ARHGAP42: variants seen among roughly 807,000 people sequenced by gnomAD.
ARHGAP42 encodes the protein Rho GTPase activating protein 42.
In ARHGAP42, 63 loss-of-function variants were observed where a neutral mutation model predicts 125.0. That is an observed-to-expected ratio of 0.50 (90% CI 0.41 to 0.62). The LOEUF is 0.62. Among genes scored for constraint, ARHGAP42 ranks in the 20% least tolerant of loss-of-function variants. The probability of loss-of-function intolerance (pLI) is 0.00; values close to 1 mark genes in which losing one functional copy is unlikely to be tolerated. For missense variants in ARHGAP42, 766 were observed against 1,024.2 expected (o/e 0.75, Z 3.44); for synonymous variants, 339 against 351.0 (o/e 0.97, Z 0.38).
chr11:100,986,769 C>G (rs1858688359), intron 22 of ARHGAP42, among the ~76,000 whole-genome samples: 1 of 151,714 alleles, frequency 6.6e-6, no homozygotes, highest in African/African-American at 2.4e-5. Context: ...TTAGCAGCCT[C>G]AGATTTTGCC....
At chr11:100,702,640 G>C (rs1309593123) in intron 1 of ARHGAP42, among the ~76,000 whole-genome samples, 3 of 147,842 alleles carry the variant, frequency 2.0e-5, no homozygotes, top group African/African-American at 7.4e-5. Flanking sequence ...AATTTTAATA[G>C]AAACATCCAG....
intron 4 of ARHGAP42, among the ~76,000 whole-genome samples, chr11:100,865,172 C>T (rs1490700841): frequency 1.3e-5 from 2 of 152,098 alleles, no homozygotes; most frequent in East Asian, 3.9e-4. Context: ...TCCCTTTGTT[C>T]TGTCCATAGT....
At position 100,707,015 on chromosome 11, in the gene ARHGAP42, T is replaced by C. The variant is rs184596170; in HGVS notation, c.154+19183T>C. Reference sequence around the variant, plus strand: ...ATTGAACCATATAATATGTAGCTTCTTGTGAAGTGCTGTGCTTACTTAGCA... The same window carrying C: ...ATTGAACCATATAATATGTAGCTTCCTGTGAAGTGCTGTGCTTACTTAGCA... On this transcript the variant is annotated intron_variant, in intron 1 of 23. Transcript: ENST00000298815. Among the ~76,000 whole-genome samples, 50 of 152,366 alleles carry C rather than the reference T, an allele frequency of 3.3e-4. No homozygotes were observed. In the East Asian group the frequency reaches 9.6e-3, roughly 29 times the overall value.
intron 6 of ARHGAP42, among the ~76,000 whole-genome samples, chr11:100,929,959 C>A (rs1477590638): frequency 6.6e-6 from 1 of 152,050 alleles, no homozygotes; most frequent in African/African-American, 2.4e-5. Context: ...GATTATTTAT[C>A]TGTTAAGTAT....
chr11:100,873,822 A>G (rs1187080041), intron 4 of ARHGAP42, among the ~76,000 whole-genome samples: 2 of 152,190 alleles, frequency 1.3e-5, no homozygotes, highest in Admixed American at 6.5e-5. Flanking sequence ...CTACCAGAGC[A>G]GGGATTGAAC....
intron 3 of ARHGAP42, among the ~76,000 whole-genome samples, chr11:100,858,713 G>A (rs577373715): frequency 1.6e-4 from 25 of 152,002 alleles, no homozygotes; most frequent in African/African-American, 6.0e-4. Context: ...CTTTATCCTG[G>A]CATTTGCTAT....
intron 4 of ARHGAP42, among the ~76,000 whole-genome samples, chr11:100,882,487 C>T (rs1328788030): frequency 2.0e-5 from 3 of 150,488 alleles, no homozygotes; most frequent in African/African-American, 7.3e-5. Context: ...TTGTTGGATT[C>T]GGTTAGCCAG....
intron 2 of ARHGAP42, among the ~76,000 whole-genome samples, chr11:100,785,109 G>A (rs924948711): frequency 7.9e-5 from 12 of 152,162 alleles, no homozygotes; most frequent in Non-Finnish European, 1.6e-4. Flanking sequence ...TGAAGAGGGA[G>A]GAGTGATGAT....
chr11:100,919,513 A>T (rs995607927), intron 5 of ARHGAP42, among the ~76,000 whole-genome samples: 1 of 152,028 alleles, frequency 6.6e-6, no homozygotes, highest in Non-Finnish European at 1.5e-5. Context: ...AGGGCTCAAC[A>T]TTCTAGTTTG....
chr11:100,799,356 G>A (rs1324064480), intron 3 of ARHGAP42, among the ~76,000 whole-genome samples: 7 of 152,184 alleles, frequency 4.6e-5, no homozygotes, highest in Non-Finnish European at 5.9e-5. Flanking sequence ...TACTTTTATG[G>A]GAGACTGACG....
At chr11:100,697,037 T>C (rs896647012) in intron 1 of ARHGAP42, among the ~76,000 whole-genome samples, 2 of 152,146 alleles carry the variant, frequency 1.3e-5, no homozygotes, top group Non-Finnish European at 2.9e-5. Context: ...CTGCTGCCTG[T>C]ATATAACTTG....
intron 1 of ARHGAP42, among the ~76,000 whole-genome samples, chr11:100,702,671 C>CTT (rs200179100): frequency 7.5e-6 from 1 of 133,856 alleles, no homozygotes; most frequent in African/African-American, 2.8e-5. Flanking sequence ...TATTTGTGTT[C>CTT]TTTTTTTTTT....
chr11:100,913,455 G>T lies in ARHGAP42; in HGVS notation c.388G>T (p.Gly130Ter). 1.6e-6 allele frequency: 2 copies of T among 1,272,728 alleles called. No homozygotes were observed. The highest frequency in any genetic ancestry group is 3.1e-5 in the African/African-American group (2 of 64,108). The allele number at this position is 1,272,728 out of a possible 1,614,324, so 78.8% of individuals were successfully genotyped here. A position where few individuals can be genotyped will look rare whatever the true frequency, so the allele number is the denominator to read the frequency against. The change falls in exon 5 of 24, where the codon GGA (glycine) becomes TGA (stop). Residue 130 changes from glycine to a stop codon, truncating the protein, a stop_gained. Transcript: ENST00000298815. LOFTEE classifies it high-confidence loss of function. ...RKEQIGAAKDGKKKFDKESEK... is the reference protein window; with the variant it reads ...RKEQIGAAKD The stretch of plus-strand genomic sequence containing the variant: ...TGTTGTTATTGCTCTCCTTTAGGAT[G>T]GAAAGAAGAAGTTTGACAAAGAGAG...
intron 9 of ARHGAP42, among the ~76,000 whole-genome samples, chr11:100,943,108 T>C (rs987930309): frequency 6.6e-6 from 1 of 151,942 alleles, no homozygotes; most frequent in African/African-American, 2.4e-5. Flanking sequence ...GGTGTAGCAG[T>C]GGGTTACCAG....
intron 22 of ARHGAP42, among the ~76,000 whole-genome samples, chr11:100,980,664 A>AGCTG (rs1358831612): frequency 7.2e-6 from 1 of 137,992 alleles, no homozygotes; most frequent in African/African-American, 2.7e-5. Context: ...TCTGCCTCCC[A>AGCTG]GGTTCAAGTG....
intron 6 of ARHGAP42, among the ~76,000 whole-genome samples, chr11:100,932,696 G>C (rs1867620666): frequency 6.6e-6 from 1 of 152,070 alleles, no homozygotes; most frequent in Non-Finnish European, 1.5e-5. Context: ...GCCACCTTGT[G>C]ATACTTTTTC....
At chr11:100,779,049 T>A (rs1221499156) in intron 2 of ARHGAP42, among the ~76,000 whole-genome samples, 1 of 152,142 alleles carries the variant, frequency 6.6e-6, no homozygotes, top group Non-Finnish European at 1.5e-5. Flanking sequence ...TAGCAAAGAT[T>A]TAATATTTGT....
chr11:100,735,821 G>A (rs1862056075), intron 1 of ARHGAP42, among the ~76,000 whole-genome samples: 1 of 151,976 alleles, frequency 6.6e-6, no homozygotes, highest in South Asian at 2.1e-4. Flanking sequence ...TTGAAACTAT[G>A]GCCAGGCTGG....
chr11:100,739,621 A>G (rs1307956731), intron 1 of ARHGAP42, among the ~76,000 whole-genome samples: 3 of 152,194 alleles, frequency 2.0e-5, no homozygotes, highest in African/African-American at 7.2e-5. Flanking sequence ...TTAAAATGTA[A>G]TGTACGAAGG....
Sources: allele counts gnomAD v4.1 joint callset (sites outside exome capture counted in the v4.1 genomes callset), GRCh38; gene constraint gnomAD v4.1.1; transcripts MANE v1.5; gene names NCBI Gene and HGNC (gene_info 2026-07-23, HGNC 2026-07-21).